The following OCLN variants were observed in gnomAD, a reference collection of about 807,000 sequenced individuals.
OCLN encodes phosphatase 1, regulatory subunit 115.
OCLN carries 21 observed loss-of-function variants against 47.9 expected under a neutral mutation model. The observed-to-expected ratio is 0.44, with a 90% CI of 0.31 to 0.63. The LOEUF (loss-of-function observed/expected upper bound fraction) is 0.63. Ranked by LOEUF, OCLN falls within the 30% of genes least tolerant of loss-of-function variation. The pLI, the probability that OCLN is intolerant of heterozygous loss-of-function variation, is 0.08. For missense variants in OCLN, 360 were observed against 571.0 expected (o/e 0.63, Z 3.77); for synonymous variants, 117 against 198.4 (o/e 0.59, Z 3.45).
rs777251882 is a variant in OCLN, at chr5:69,514,655, T to G, written c.891+546T>G. Among the ~76,000 whole-genome samples, 14 of 152,252 alleles carry G rather than the reference T, an allele frequency of 9.2e-5. No individual in the cohort carries two copies. The South Asian group carries it at 1.2e-3, about 14-fold the overall frequency. Reference sequence around the variant, plus strand: ...TGAACAAAGGTCTCTGGTTTTCCTATGCAGAGGACCCTGCGGCCTTCTGCA... The same window carrying G: ...TGAACAAAGGTCTCTGGTTTTCCTAGGCAGAGGACCCTGCGGCCTTCTGCA... On this transcript the variant is annotated intron_variant, in intron 4 of 8. Transcript: ENST00000396442.
intron 4 of OCLN, among the ~76,000 whole-genome samples, chr5:69,527,178 G>A (rs888747902): frequency 4.6e-5 from 7 of 152,130 alleles, no homozygotes; most frequent in South Asian, 4.1e-4. Flanking sequence ...TCAGGAGGCT[G>A]AGGCAGGGGA....
intron 4 of OCLN, among the ~76,000 whole-genome samples, chr5:69,526,762 G>A (rs1205926722): frequency 6.6e-6 from 1 of 152,232 alleles, no homozygotes; most frequent in East Asian, 1.9e-4. Flanking sequence ...GGCAGACACT[G>A]AAAGGCACTT....
chr5:69,505,086 A>G (rs1398371707), intron 2 of OCLN, among the ~76,000 whole-genome samples: 1 of 151,888 alleles, frequency 6.6e-6, no homozygotes, highest in Non-Finnish European at 1.5e-5. Context: ...CCCCATCTCT[A>G]CTGAAAATAC....
intron 4 of OCLN, among the ~76,000 whole-genome samples, chr5:69,526,573 T>TTCAGAGCTCTAATAACTTAC (rs1440706882): frequency 2.6e-5 from 4 of 152,188 alleles, no homozygotes; most frequent in Non-Finnish European, 2.9e-5. Context: ...TAATAACTTA[T>TTCAGAGCTCTAATAACTTAC]TGACTCTCAG....
intron 1 of OCLN, among the ~76,000 whole-genome samples, chr5:69,501,494 G>GTGGC (rs1413023812): frequency 6.6e-6 from 1 of 152,036 alleles, no homozygotes; most frequent in African/African-American, 2.4e-5. Flanking sequence ...GCCAGGCGTG[G>GTGGC]TGGCATGTGC....
Position 69,553,713 on chromosome 5 carries a change from T to A in OCLN, c.*42T>A. On this transcript the variant is annotated 3_prime_UTR_variant, in exon 9 of 9. Transcript: ENST00000396442. Reference sequence around the variant, plus strand: ...TGTTTGAGAAATTAAGTATCTGACATCTCTGCAATCTTCTCAGAAGGCAAA... The same window carrying A: ...TGTTTGAGAAATTAAGTATCTGACAACTCTGCAATCTTCTCAGAAGGCAAA... 6.3e-7 allele frequency: 1 copy of A among 1,576,258 alleles called. No individual in the cohort carries two copies. The highest frequency in any genetic ancestry group is 1.1e-5 in the South Asian group (1 of 90,042).
intron 4 of OCLN, among the ~76,000 whole-genome samples, chr5:69,532,101 A>G (rs1034655764): frequency 1.3e-5 from 2 of 152,188 alleles, no homozygotes; most frequent in African/African-American, 4.8e-5. Context: ...TCATTTAATC[A>G]TCAAAATAAC....
intron 5 of OCLN, among the ~76,000 whole-genome samples, chr5:69,537,189 CTTTTTT>C (rs1157355945): frequency 3.7e-5 from 3 of 80,560 alleles, no homozygotes; most frequent in African/African-American, 7.8e-5. Context: ...ATTCTATAAG[CTTTTTT>C]TTTTTTTTTT....
chr5:69,515,019 C>T (rs1580561497), intron 4 of OCLN, among the ~76,000 whole-genome samples: 1 of 152,188 alleles, frequency 6.6e-6, no homozygotes. Flanking sequence ...CATCATGGCC[C>T]TTTCTCAATG....
chr5:69,515,579 C>T (rs1310547983), intron 4 of OCLN, among the ~76,000 whole-genome samples: 2,596 of 93,080 alleles, frequency 0.028, no homozygotes, highest in Admixed American at 0.055. Flanking sequence ...GCTGGCCGGG[C>T]GGGGGGCTGA....
chr5:69,557,762 C>T lies in OCLN; in HGVS notation c.*4091C>T, dbSNP rs1361523713. 1.2e-5 allele frequency: 1 copy of T among 81,236 alleles called. No homozygotes were observed. The highest frequency in any genetic ancestry group is 3.0e-5 in the African/African-American group (1 of 33,704). 5.0% of individuals were successfully genotyped at this position (81,236 alleles called of 1,614,324 possible). ...CTGTCTATTGGAATAGACAGGTTCA[C>T]TTCTCCCAGTCTTTCAAGTTGCATG... On this transcript the variant is annotated 3_prime_UTR_variant, in exon 9 of 9. Transcript: ENST00000396442.
intron 1 of OCLN, among the ~76,000 whole-genome samples, chr5:69,497,255 A>G (rs1199694439): frequency 1.3e-5 from 2 of 151,008 alleles, no homozygotes; most frequent in Admixed American, 6.6e-5. Flanking sequence ...TTTTTTAACC[A>G]TTTCTAGGAT....
At chr5:69,530,443 T>C (rs1458107300) in intron 4 of OCLN, among the ~76,000 whole-genome samples, 1 of 152,172 alleles carries the variant, frequency 6.6e-6, no homozygotes, top group African/African-American at 2.4e-5. Context: ...TTATACTTAC[T>C]TGGCATTGGT....
At chr5:69,511,023 C>G (rs532867288) in intron 3 of OCLN, among the ~76,000 whole-genome samples, 11 of 152,036 alleles carry the variant, frequency 7.2e-5, no homozygotes, top group Non-Finnish European at 1.6e-4. Flanking sequence ...TAGTCATGTA[C>G]TTATTGGCCA....
intron 1 of OCLN, among the ~76,000 whole-genome samples, chr5:69,502,642 A>G (rs1330896213): frequency 1.3e-5 from 2 of 152,250 alleles, no homozygotes; most frequent in African/African-American, 2.4e-5. Flanking sequence ...TTGGTTCAAC[A>G]TAGCTAAGGA....
chr5:69,528,673 C>T (rs900548441), intron 4 of OCLN, among the ~76,000 whole-genome samples: 2 of 152,148 alleles, frequency 1.3e-5, no homozygotes, highest in African/African-American at 4.8e-5. Flanking sequence ...GCTACTTTAC[C>T]TTCTCTGTGA....
Position 69,504,228 on chromosome 5 carries a change from A to G in OCLN, c.-17A>G, listed in dbSNP as rs775109854. 3 of 1,596,756 alleles carry G rather than the reference A, an allele frequency of 1.9e-6. No homozygotes were observed. The highest frequency in any genetic ancestry group is 2.2e-5 in the East Asian group (1 of 44,822). On this transcript the variant is annotated 5_prime_UTR_variant, in exon 2 of 9. Coordinates refer to ENST00000396442, the MANE Select transcript of OCLN (RefSeq NM_001205254.2). ...CATTGCTCATCCTGAAGATCAGCTG[A>G]CCATTGACAATCAGCCATGTCATCC...
At chr5:69,528,248 GAGGGTGGAATGGGC>G (rs1487244273) in intron 4 of OCLN, among the ~76,000 whole-genome samples, 1 of 152,136 alleles carries the variant, frequency 6.6e-6, no homozygotes, top group Non-Finnish European at 1.5e-5. Flanking sequence ...TAGGGCTGAG[GAGGGTGGAATGGGC>G]AGGTTGTAAA....
chr5:69,516,159 A>G (rs1291773572), intron 4 of OCLN, among the ~76,000 whole-genome samples: 2 of 151,606 alleles, frequency 1.3e-5, no homozygotes, highest in African/African-American at 4.8e-5. Context: ...TGGGAGGTGG[A>G]GGTTGTAGCG....
Sources: allele counts gnomAD v4.1 joint callset (sites outside exome capture counted in the v4.1 genomes callset), GRCh38; gene constraint gnomAD v4.1.1; transcripts MANE v1.5; gene names NCBI Gene and HGNC (gene_info 2026-07-23, HGNC 2026-07-21).